Variants in INTS12 observed in about 807,000 individuals in gnomAD.
INTS12 encodes the protein PHD finger protein 22.
A neutral mutation model predicts 41.6 loss-of-function variants in INTS12; 13 were observed. The ratio of observed to expected loss-of-function variants is 0.31; its 90% CI spans 0.20 to 0.50. The LOEUF (loss-of-function observed/expected upper bound fraction) is 0.50, where lower values mean the gene tolerates loss of function less well. Among genes scored for constraint, INTS12 ranks in the 20% least tolerant of loss-of-function variants. The pLI, the probability that INTS12 is intolerant of heterozygous loss-of-function variation, is 0.98. For missense variants in INTS12, 432 were observed against 541.6 expected (o/e 0.80, Z 2.01); for synonymous variants, 199 against 191.4 (o/e 1.04, Z -0.33).
chr4:105,683,515 C>T (rs1052343836), intron 7 of INTS12, among the ~76,000 whole-genome samples, 198 bp from the exon 8 acceptor site: 2 of 151,962 alleles, frequency 1.3e-5, no homozygotes, highest in East Asian at 1.9e-4. Context: ...ATTTTTGATA[C>T]CATATTCTTG....
At chr4:105,708,340 G>C (rs1365658027) in intron 1 of INTS12, 2 of 985,592 alleles carry the variant, frequency 2.0e-6, no homozygotes, top group East Asian at 1.1e-4. Context: ...AGGGAGCTAC[G>C]TAGAGAAGTC....
chr4:105,685,540 G>A (rs2149177004), intron 7 of INTS12, among the ~76,000 whole-genome samples: 1 of 152,156 alleles, frequency 6.6e-6, no homozygotes, highest in Middle Eastern at 3.4e-3. Flanking sequence ...GTTTTTAAAA[G>A]TATTTCGTAT....
At chr4:105,706,919 T>C (rs1234992309) in intron 1 of INTS12, among the ~76,000 whole-genome samples, 2 of 152,138 alleles carry the variant, frequency 1.3e-5, no homozygotes, top group Admixed American at 6.6e-5. Context: ...TGTTGCCATA[T>C]GAATTTTCCT....
At chr4:105,702,427 C>T (rs1357231203) in intron 2 of INTS12, among the ~76,000 whole-genome samples, 7 of 152,022 alleles carry the variant, frequency 4.6e-5, no homozygotes, top group Admixed American at 1.3e-4. Flanking sequence ...TGAGCCACCG[C>T]GCCCAGCCAA....
intron 7 of INTS12, among the ~76,000 whole-genome samples, chr4:105,684,203 T>C (rs1391980880): frequency 6.6e-6 from 1 of 152,192 alleles, no homozygotes. Context: ...TATAAATACA[T>C]ATTGCTCTTG....
At chr4:105,696,170 G>A (rs937302431) in intron 3 of INTS12, among the ~76,000 whole-genome samples, 2 of 152,122 alleles carry the variant, frequency 1.3e-5, no homozygotes, top group African/African-American at 2.4e-5. Flanking sequence ...CCTACTTAAA[G>A]TGTAACATTT....
rs1376005828 is a variant in INTS12 at position 105,683,093 on chromosome 4, T to A, written c.1029A>T (p.Gly343=). Residue 343 remains glycine, a synonymous_variant, in exon 8 of 8, where the codon GGA becomes GGT. Coordinates refer to ENST00000340139, the MANE Select transcript of INTS12 (RefSeq NM_020395.4). ...TATTGGAACCTATTTTGGAACCTAT[T>A]CCACCTTTGGATGATGTTGCCAGAC... is the stretch of plus-strand genomic sequence containing the variant. ...LTGLATSSKG[G]IGSKIGSNNS... is the part of the protein sequence containing the mutation. 2 of 1,614,122 alleles carry A rather than the reference T, an allele frequency of 1.2e-6. No individual in the cohort carries two copies. Among genetic ancestry groups the A allele is most frequent in the East Asian group, 4.5e-5 (2 of 44,880 alleles).
intron 7 of INTS12, among the ~76,000 whole-genome samples, chr4:105,685,198 T>C (rs757955649): frequency 6.6e-6 from 1 of 152,148 alleles, no homozygotes; most frequent in Non-Finnish European, 1.5e-5. Flanking sequence ...TATTCACTTT[T>C]ATAAAAAGTG....
intron 1 of INTS12, 71 bp downstream of exon 1, chr4:105,708,567 C>T (rs1476345049): frequency 1.0e-6 from 1 of 985,220 alleles, no homozygotes; most frequent in Non-Finnish European, 1.2e-6. Context: ...AGCTACTCTC[C>T]CACCTCGCTC....
chr4:105,701,710 G>A (rs1386050088), intron 2 of INTS12, among the ~76,000 whole-genome samples: 2 of 152,082 alleles, frequency 1.3e-5, no homozygotes, highest in Non-Finnish European at 2.9e-5. Flanking sequence ...ATAGGTAAAG[G>A]AAATAGCAGT....
At chr4:105,687,637 CAGTT>C (rs1173388015) in intron 6 of INTS12, among the ~76,000 whole-genome samples, 5 of 152,154 alleles carry the variant, frequency 3.3e-5, no homozygotes, top group Admixed American at 1.3e-4. Context: ...GAGTCAAACA[CAGTT>C]AGGATTAAAA....
rs1389222465 is a variant in INTS12, at chr4:105,682,826, A to T, written c.1296T>A (p.Leu432=). Residue 432 remains leucine (L), a synonymous_variant, in exon 8 of 8, where the codon CTT becomes CTA. Coordinates refer to ENST00000340139, the MANE Select transcript of INTS12 (RefSeq NM_020395.4). The part of the protein sequence containing the change: ...SESSSSPSAS[L]KGPTSQESQL... ...GTGATTCTTGTGAAGTTGGGCCTTT[A>T]AGGGATGCTGAGGGAGAGCTGCTGG... The T allele has an allele frequency of 1.2e-6, 2 of 1,614,026 alleles. No individual in the cohort carries two copies. Among genetic ancestry groups the T allele is most frequent in the South Asian group, 2.2e-5 (2 of 91,084 alleles).
At chr4:105,704,491 G>A (rs1732195512) in intron 1 of INTS12, among the ~76,000 whole-genome samples, 1 of 152,252 alleles carries the variant, frequency 6.6e-6, no homozygotes, top group Non-Finnish European at 1.5e-5. Flanking sequence ...CTAGAAATCT[G>A]TGTTAAGCCT....
rs769128380 is a variant in INTS12, at chr4:105,683,057, C to A, written c.1065G>T (p.Thr355=). Residue 355 remains threonine, a synonymous_variant, in exon 8 of 8, where the codon ACG becomes ACT. Transcript: ENST00000340139. Reference sequence around the variant, plus strand: ...GAGGTGGTTTTAAAGGTACAGTGGGCGTAGTGCTGTTATTGGAACCTATTT... The same window carrying A: ...GAGGTGGTTTTAAAGGTACAGTGGGAGTAGTGCTGTTATTGGAACCTATTT... The part of the protein sequence containing the change: ...GSKIGSNNST[T]PTVPLKPPPP... 22 of 1,613,916 alleles carry A rather than the reference C, an allele frequency of 1.4e-5. No homozygotes were observed. The highest frequency in any genetic ancestry group is 1.6e-5 in the Non-Finnish European group (19 of 1,179,952).
At chr4:105,694,175 G>T (rs1336126394) in intron 4 of INTS12, among the ~76,000 whole-genome samples, 1 of 152,106 alleles carries the variant, frequency 6.6e-6, no homozygotes, top group Admixed American at 6.5e-5. Context: ...ATTCCCCTAT[G>T]ATAAATCAGT....
intron 2 of INTS12, among the ~76,000 whole-genome samples, chr4:105,701,130 T>C (rs1161322407): frequency 6.6e-6 from 1 of 151,994 alleles, no homozygotes; most frequent in South Asian, 2.1e-4. Flanking sequence ...AATCCTAGCA[T>C]ATGAAAGCAC....
chr4:105,689,815 A>G (rs1731622556), intron 6 of INTS12, among the ~76,000 whole-genome samples: 1 of 152,088 alleles, frequency 6.6e-6, no homozygotes, highest in Non-Finnish European at 1.5e-5. Context: ...CTGAGGTGGG[A>G]GGATTGCTTG....
intron 6 of INTS12, among the ~76,000 whole-genome samples, chr4:105,689,216 C>T (rs1189019591): frequency 6.6e-6 from 1 of 152,216 alleles, no homozygotes; most frequent in Non-Finnish European, 1.5e-5. Context: ...TACACGATCA[C>T]AACATTCTTA....
At chr4:105,688,642 C>T (rs1731574935) in intron 6 of INTS12, among the ~76,000 whole-genome samples, 2 of 152,162 alleles carry the variant, frequency 1.3e-5, no homozygotes, top group Non-Finnish European at 2.9e-5. Flanking sequence ...CACAGTAAAA[C>T]AGAAACATAT....
Sources: gnomAD v4.1 joint callset for allele counts (sites outside exome capture counted in the v4.1 genomes callset) on GRCh38, gnomAD v4.1.1 for gene constraint, MANE v1.5 for transcripts, NCBI Gene and HGNC (gene_info 2026-07-23, HGNC 2026-07-21) for gene names.